MFSD11: variants seen among roughly 807,000 people sequenced by gnomAD.
MFSD11 encodes the protein UNC93-like protein MFSD11.
A neutral mutation model predicts 53.5 loss-of-function variants in MFSD11; 36 were observed. The ratio of observed to expected loss-of-function variants is 0.67; its 90% CI spans 0.52 to 0.89. The LOEUF is 0.89. Among genes scored for constraint, MFSD11 ranks in the 40% least tolerant of loss-of-function variants. MFSD11 has a pLI of 0.00. For synonymous variants in MFSD11, 186 were observed against 184.9 expected, an observed-to-expected ratio of 1.01 and a Z score of -0.05; for missense variants, 530 against 543.9, an observed-to-expected ratio of 0.97 and a Z score of 0.25.
rs1484300451 is a variant in MFSD11, at chr17:76,744,910, C to T, written c.641+444C>T. Among the ~76,000 whole-genome samples the T allele has an allele frequency of 5.3e-5, 8 of 152,300 alleles. No individual in the cohort carries two copies. In the East Asian group the frequency reaches 1.3e-3, roughly 26 times the overall value. On this transcript the variant is annotated intron_variant, in intron 7 of 12. Transcript: ENST00000685175. Reference sequence around the variant, plus strand: ...CCAGTGATGGTTGTCACAGATGAACCTTGGTTATCACTAGGCTCTTGCTTA... The same window carrying T: ...CCAGTGATGGTTGTCACAGATGAACTTTGGTTATCACTAGGCTCTTGCTTA...
At chr17:76,737,963 G>T, upstream of MFSD11, 3 of 246,328 alleles carry the variant, frequency 1.2e-5, no homozygotes, top group Non-Finnish European at 1.5e-5. Context: ...GGCCGGCGCC[G>T]CGGCTGCGGT....
downstream of MFSD11, among the ~76,000 whole-genome samples, chr17:76,781,988 A>ATT (rs57536397): frequency 8.7e-4 from 119 of 137,420 alleles, no homozygotes; most frequent in South Asian, 0.012. Flanking sequence ...TGCCTGGATA[A>ATT]TTTTTTTTTT....
intron 3 of MFSD11, 38 bp from the exon 4 acceptor site, chr17:76,741,931 A>G (rs766005715): frequency 6.2e-7 from 1 of 1,613,612 alleles, no homozygotes; most frequent in Non-Finnish European, 8.5e-7. Context: ...TATTTCAGGT[A>G]TCGTTTGACT....
chr17:76,749,155 C>T (rs2078818073), intron 7 of MFSD11, among the ~76,000 whole-genome samples: 1 of 152,104 alleles, frequency 6.6e-6, no homozygotes, highest in Non-Finnish European at 1.5e-5. Flanking sequence ...GTGCGTCCAT[C>T]ATTGAAACCA....
downstream of MFSD11, among the ~76,000 whole-genome samples, chr17:76,784,290 C>G (rs932709952): frequency 7.9e-5 from 12 of 152,228 alleles, no homozygotes; most frequent in Middle Eastern, 3.4e-3. Flanking sequence ...AATCCCAGCA[C>G]TTTGGGAGGC....
At position 76,753,614 on chromosome 17, in the gene MFSD11, C is replaced by T. The variant is rs139795261; in HGVS notation, c.642-433C>T. On this transcript the variant is annotated intron_variant, in intron 7 of 12. Coordinates refer to ENST00000685175, the MANE Select transcript of MFSD11 (RefSeq NM_001242532.5). ...CTGGTGGGAGGATCACCTGAGCCTG[C>T]GAGGTGGGGGTTGCAGTGAGCTGAG... Among the ~76,000 whole-genome samples, 1,425 of 146,238 alleles carry T rather than the reference C, an allele frequency of 9.7e-3. 28 individuals carry two copies. Among genetic ancestry groups the T allele is most frequent in the African/African-American group, 0.035 (1,376 of 39,606 alleles).
chr17:76,773,683 T>C (rs2081565482), intron 10 of MFSD11, among the ~76,000 whole-genome samples: 1 of 152,134 alleles, frequency 6.6e-6, no homozygotes, highest in African/African-American at 2.4e-5. Flanking sequence ...TCTTGGCTCA[T>C]TGCAACCTCC....
Position 76,775,033 on chromosome 17 carries a change from G to A in MFSD11, c.911G>A (p.Arg304His), listed in dbSNP as rs549274131. The change falls in exon 11 of 13, where the codon CGT becomes CAT. Residue 304 changes from arginine (R) to histidine (H), a missense_variant. Arg to His is a conservative substitution (Grantham distance 29). Transcript: ENST00000685175. ...SLFGLLSKNN[R>H]FGRNPVVLLG... ...TTCGGCCTGCTGAGCAAGAACAATC[G>A]TTTTGGTAGAAATCCAGTTGTGCTG... 26 of 1,613,984 alleles carry A rather than the reference G, an allele frequency of 1.6e-5. No homozygotes were observed. The highest frequency in any genetic ancestry group is 4.5e-5 in the East Asian group (2 of 44,872).
chr17:76,761,381 A>T (rs1051132026), intron 8 of MFSD11, among the ~76,000 whole-genome samples: 2 of 152,202 alleles, frequency 1.3e-5, no homozygotes, highest in Admixed American at 6.5e-5. Flanking sequence ...AGCTACTAAG[A>T]TGTTTATAGT....
chr17:76,743,158 G>C (rs1319144077), intron 5 of MFSD11, among the ~76,000 whole-genome samples: 1 of 152,044 alleles, frequency 6.6e-6, no homozygotes, highest in Non-Finnish European at 1.5e-5. Context: ...TTCTTTGAAG[G>C]GTGCCTCTGA....
chr17:76,756,422 C>T (rs1442994614), intron 8 of MFSD11, among the ~76,000 whole-genome samples: 1 of 152,106 alleles, frequency 6.6e-6, no homozygotes, highest in Non-Finnish European at 1.5e-5. Flanking sequence ...CCACACCTGG[C>T]TCGGGAATGC....
rs2082044947 is a variant in MFSD11 at position 76,778,588 on chromosome 17, GT to G, written c.*241del. 1 of 443,934 alleles carries G rather than the reference GT, an allele frequency of 2.3e-6. No individual in the cohort carries two copies. Among genetic ancestry groups the G allele is most frequent in the Non-Finnish European group, 4.0e-6 (1 of 250,682 alleles). 27.5% of individuals were successfully genotyped at this position (443,934 alleles called of 1,614,324 possible). ...TCAACTGTAATTGTTCAAAGATGTT[GT>G]TTTTCATTTCATCTATCTCAATTCT... On this transcript the variant is annotated 3_prime_UTR_variant, in exon 13 of 13. Transcript: ENST00000685175.
chr17:76,799,898 CT>C, the MFSD11 span, among the ~76,000 whole-genome samples: 3 of 151,508 alleles, frequency 2.0e-5, no homozygotes, highest in African/African-American at 7.3e-5. Context: ...TGCATTTCTT[CT>C]TGCTATTCCA....
chr17:76,747,776 C>A (rs1371739546), intron 7 of MFSD11, among the ~76,000 whole-genome samples: 1 of 152,120 alleles, frequency 6.6e-6, no homozygotes, highest in African/African-American at 2.4e-5. Context: ...GCCGCCCATC[C>A]CTGTTTTTAA....
downstream of MFSD11, among the ~76,000 whole-genome samples, chr17:76,781,967 A>G (rs1218494090): frequency 6.6e-6 from 1 of 150,856 alleles, no homozygotes; most frequent in Admixed American, 6.6e-5. Context: ...GACCACAGGC[A>G]TGTACCACCA....
Position 76,742,156 on chromosome 17 carries a change from A to C in MFSD11, c.341-21A>C, listed in dbSNP as rs762434882. On this transcript the variant is annotated intron_variant, in intron 4 of 12. Coordinates refer to ENST00000685175, the MANE Select transcript of MFSD11 (RefSeq NM_001242532.5). ...CTAAGTGAATTTCTTTCCCTTGATAAACTTTTGGGTTGAATTTTAGTGCTT... is the reference window on the plus strand; with the variant it reads ...CTAAGTGAATTTCTTTCCCTTGATACACTTTTGGGTTGAATTTTAGTGCTT... 11 of 1,613,938 alleles carry C rather than the reference A, an allele frequency of 6.8e-6. No homozygotes were observed. In the South Asian group the frequency reaches 1.1e-4, roughly 16 times the overall value.
At chr17:76,794,641 C>CAAAAA in the MFSD11 span, among the ~76,000 whole-genome samples, 44 of 65,440 alleles carry the variant, frequency 6.7e-4, no homozygotes, top group African/African-American at 3.1e-3. Flanking sequence ...AACTCTGTCT[C>CAAAAA]AAAAAAAAAA....
intron 7 of MFSD11, among the ~76,000 whole-genome samples, chr17:76,750,658 G>A (rs2078980120): frequency 6.6e-6 from 1 of 151,632 alleles, no homozygotes; most frequent in African/African-American, 2.4e-5. Flanking sequence ...GCCTGGCCGA[G>A]CTTTAGAAAT....
intron 10 of MFSD11, among the ~76,000 whole-genome samples, chr17:76,772,623 T>C (rs1057447552): frequency 1.7e-4 from 26 of 150,946 alleles, no homozygotes; most frequent in Non-Finnish European, 3.8e-4. Context: ...ATTCAAGCAA[T>C]TCTTCTGCCT....
Sources: gnomAD v4.1 joint callset for allele counts (sites outside exome capture counted in the v4.1 genomes callset) on GRCh38, gnomAD v4.1.1 for gene constraint, MANE v1.5 for transcripts, NCBI Gene and HGNC (gene_info 2026-07-23, HGNC 2026-07-21) for gene names.